EVPL: variants seen among roughly 807,000 people sequenced by gnomAD.
EVPL encodes 210 kDa cornified envelope precursor protein.
Under a neutral mutation model 129.7 loss-of-function variants are expected in EVPL, and 94 were observed. The ratio of observed to expected loss-of-function variants is 0.72; its 90% CI spans 0.61 to 0.86. EVPL has a LOEUF of 0.86. EVPL is among the 40% of genes least tolerant of loss of function. The pLI is 0.00. For synonymous variants in EVPL, 1,172 were observed against 1,191.1 expected (o/e 0.98, Z 0.33); for missense variants, 2,625 against 2,721.1 (o/e 0.96, Z 0.79).
Position 76,018,533 on chromosome 17 carries a change from T to TGGGA in EVPL, c.1351_1352insTCCC (p.Gln451LeufsTer24). ...ACGCTTGGTCTCCCCGCCAGGGCCC[T>TGGGA]GCACGACCCAGGCGTGCGGGTCAGT... is the stretch of plus-strand genomic sequence containing the variant. On this transcript the variant is annotated frameshift_variant, in exon 12 of 22. Coordinates refer to ENST00000301607, the MANE Select transcript of EVPL (RefSeq NM_001988.4). LOFTEE classifies it high-confidence loss of function. 6.2e-7 allele frequency: 1 copy of TGGGA among 1,612,780 alleles called. No homozygotes were observed. Among genetic ancestry groups the TGGGA allele is most frequent in the Non-Finnish European group, 8.5e-7 (1 of 1,179,886 alleles).
At chr17:76,016,951 G>A (rs1006103142) in intron 14 of EVPL, among the ~76,000 whole-genome samples, 4 of 150,926 alleles carry the variant, frequency 2.7e-5, no homozygotes, top group African/African-American at 9.8e-5. Context: ...GGTGGCTCAC[G>A]CCTGTAATCC....
chr17:76,015,152 G>T (rs766826226), intron 16 of EVPL, 43 bp from the exon 17 acceptor site: 1 of 1,560,184 alleles, frequency 6.4e-7, no homozygotes. Context: ...CGTGGCTGGG[G>T]AGACGCCGTG....
Position 76,008,502 on chromosome 17 carries a change from TCGGCCCGGTC to T in EVPL, c.4693_4702del (p.Asp1565ArgfsTer99). 1 of 1,603,310 alleles carries T rather than the reference TCGGCCCGGTC, an allele frequency of 6.2e-7. No individual in the cohort carries two copies. Among genetic ancestry groups the T allele is most frequent in the South Asian group, 1.1e-5 (1 of 90,652 alleles). On this transcript the variant is annotated frameshift_variant, in exon 22 of 22. Transcript: ENST00000301607. LOFTEE classifies it low-confidence loss of function (END_TRUNC). The surrounding 1 kb of genome is among the most constrained non-coding windows in gnomAD (Gnocchi z 7.4). ...CCGGGACCAGGTTCTCCCCAGCGTC[TCGGCCCGGTC>T]AATGCGCTCCCGCAGGCGCCGTGCC... is the stretch of plus-strand genomic sequence containing the variant.
In EVPL at chr17:76,027,205, A is replaced by G. The variant is rs1358790117; in HGVS notation, c.-7T>C. The G allele has an allele frequency of 6.3e-7, 1 of 1,599,290 alleles. No individual in the cohort carries two copies. The highest frequency in any genetic ancestry group is 1.1e-5 in the South Asian group (1 of 90,106). ...TGCTCAGCCCCTTGAACATGGTCGT[A>G]AAGGCAAGTGCTGGCTCAGGCTGGG... On this transcript the variant is annotated 5_prime_UTR_variant, in exon 1 of 22. Transcript: ENST00000301607.
In EVPL at chr17:76,007,611, G is replaced by A. The variant is rs760199880; in HGVS notation, c.5594C>T (p.Thr1865Ile). Reference protein sequence around the residue: ...GQKLLEAQAATGGIVDLLSRE... With the variant: ...GQKLLEAQAAIGGIVDLLSRE... ...GCTGAGCAGGTCCACGATGCCCCCT[G>A]TGGCCGCCTGGGCCTCCAGTAGCTT... The change falls in exon 22 of 22, where the codon ACA becomes ATA. Residue 1865 changes from threonine to isoleucine, a missense_variant. Physicochemically the swap from Thr to Ile is moderately conservative, Grantham distance 89. Transcript: ENST00000301607. This position sits in a 1 kb window ranked among gnomAD's most constrained non-coding sequence, Gnocchi z 8.8. 9.9e-6 allele frequency: 16 copies of A among 1,613,800 alleles called. No individual in the cohort carries two copies. The East Asian group carries it at 2.4e-4, about 25-fold the overall frequency.
Position 76,022,043 on chromosome 17 carries a change from C to T in EVPL, c.646-15G>A. 1 of 1,552,800 alleles carries T rather than the reference C, an allele frequency of 6.4e-7. No homozygotes were observed. The highest frequency in any genetic ancestry group is 8.7e-7 in the Non-Finnish European group (1 of 1,155,840). ...GACGCCGCCTTCTGTGCTCAGGACC[C>T]GCCGCCAGCAGCAGGGTGGGGAGAC... is the stretch of plus-strand genomic sequence containing the variant. On this transcript the variant is annotated splice_polypyrimidine_tract_variant and intron_variant, in intron 6 of 21. Coordinates refer to ENST00000301607, the MANE Select transcript of EVPL (RefSeq NM_001988.4). This position sits in a 1 kb window ranked among gnomAD's most constrained non-coding sequence, Gnocchi z 5.6.
intron 21 of EVPL, 78 bp from the exon 22 acceptor site, chr17:76,010,621 C>G: frequency 6.9e-7 from 1 of 1,446,216 alleles, no homozygotes; most frequent in Non-Finnish European, 9.1e-7. Context: ...GATGAAAGAC[C>G]CCTCCCTGTT....
At position 76,008,851 on chromosome 17, in the gene EVPL, G is replaced by A. The variant is rs774293924; in HGVS notation, c.4354C>T (p.Arg1452Trp). 10 of 1,613,766 alleles carry A rather than the reference G, an allele frequency of 6.2e-6. No individual in the cohort carries two copies. Among genetic ancestry groups the A allele is most frequent in the African/African-American group, 5.3e-5 (4 of 74,862 alleles). ...ATCTTCTCCTGCACCGTGGGAGGCC[G>A]CTTCTCGAGCTCCTGGATCCTCAAG... ...LTLRIQELEK[R>W]PPTVQEKIIM... is the part of the protein sequence containing the mutation. The change falls in exon 22 of 22, where the codon CGG becomes TGG. Residue 1452 changes from arginine (R) to tryptophan (W), a missense_variant. By Grantham distance (101) the Arg-to-Trp change is moderately radical. This residue lies in a region of EVPL where 1,453 missense variants were observed against 1,511.8 expected (regional missense o/e 0.96). Coordinates refer to ENST00000301607, the MANE Select transcript of EVPL (RefSeq NM_001988.4). This position sits in a 1 kb window ranked among gnomAD's most constrained non-coding sequence, Gnocchi z 7.4.
chr17:76,010,346 C>T lies in EVPL; in HGVS notation c.2859G>A (p.Arg953=). ...ACTCTACCACTTCCTTCTCCTCCAGCCTCTCCAAGGGCCGCTGGGTCCTCA... is the reference window on the plus strand; with the variant it reads ...ACTCTACCACTTCCTTCTCCTCCAGTCTCTCCAAGGGCCGCTGGGTCCTCA... The part of the protein sequence containing the change: ...LQLRTQRPLE[R]LEEKEVVEFY... The change falls in exon 22 of 22, where the codon AGG becomes AGA. Residue 953 remains arginine (R), a synonymous_variant. Transcript: ENST00000301607. The T allele has an allele frequency of 1.4e-5, 23 of 1,614,056 alleles. No homozygotes were observed. The highest frequency in any genetic ancestry group is 1.9e-5 in the Non-Finnish European group (22 of 1,180,044).
In EVPL at chr17:76,010,319, G is replaced by T; in HGVS notation, c.2886C>A (p.Phe962Leu). The T allele has an allele frequency of 6.2e-7, 1 of 1,613,878 alleles. No homozygotes were observed. The highest frequency in any genetic ancestry group is 8.5e-7 in the Non-Finnish European group (1 of 1,180,008). The stretch of plus-strand genomic sequence containing the variant: ...TGCCCTCCAGCTGGGGGTCCCGGTA[G>T]AACTCTACCACTTCCTTCTCCTCCA... Reference protein sequence around the residue: ...ERLEEKEVVEFYRDPQLEGSL... With the variant: ...ERLEEKEVVELYRDPQLEGSL... Residue 962 changes from phenylalanine to leucine, a missense_variant, in exon 22 of 22, where the codon TTC (phenylalanine) becomes TTA (leucine). By Grantham distance (22) the Phe-to-Leu change is conservative. This residue lies in a region of EVPL where 1,453 missense variants were observed against 1,511.8 expected (regional missense o/e 0.96). Coordinates refer to ENST00000301607, the MANE Select transcript of EVPL (RefSeq NM_001988.4).
chr17:76,010,543 T>C lies in EVPL; in HGVS notation c.2662A>G (p.Lys888Glu). The change falls in exon 22 of 22, where the codon AAG becomes GAG. Residue 888 changes from lysine (K) to glutamate (E), a missense_variant and splice_region_variant. Coordinates refer to ENST00000301607, the MANE Select transcript of EVPL (RefSeq NM_001988.4). ...LEFARKMLEK[K>E]ELSEDIRRTH... ...CTTCGGATGTCCTCACTGAGCTCCTTCTGCAGAGAGGAAGAAGGGTAGAGC... is the reference window on the plus strand; with the variant it reads ...CTTCGGATGTCCTCACTGAGCTCCTCCTGCAGAGAGGAAGAAGGGTAGAGC... 1 of 1,609,652 alleles carries C rather than the reference T, an allele frequency of 6.2e-7. No homozygotes were observed. Among genetic ancestry groups the C allele is most frequent in the Non-Finnish European group, 8.5e-7 (1 of 1,177,784 alleles).
Position 76,017,879 on chromosome 17 carries a change from C to T in EVPL, c.1570G>A (p.Ala524Thr). 1 of 1,614,090 alleles carries T rather than the reference C, an allele frequency of 6.2e-7. No individual in the cohort carries two copies. Among genetic ancestry groups the T allele is most frequent in the African/African-American group, 1.3e-5 (1 of 75,064 alleles). The change falls in exon 14 of 22, where the codon GCC becomes ACC. Residue 524 changes from alanine (A) to threonine (T), a missense_variant. Transcript: ENST00000301607. ...GTCATCTGTGTCAGGAGCTTCTGGG[C>T]CTGTGGGTTGGCCAGGTCTGAGCCA... is the stretch of plus-strand genomic sequence containing the variant. Reference protein sequence around the residue: ...PSGSDLANPQAQKLLTQMTRL... With the variant: ...PSGSDLANPQTQKLLTQMTRL...
chr17:76,019,629 T>C lies in EVPL; in HGVS notation c.1036A>G (p.Ser346Gly). Residue 346 changes from serine (S) to glycine (G), a missense_variant, in exon 10 of 22, where the codon AGC (serine) becomes GGC (glycine). Ser to Gly is a moderately conservative substitution (Grantham distance 56). Coordinates refer to ENST00000301607, the MANE Select transcript of EVPL (RefSeq NM_001988.4). ...GAGTTGAGCTTCGCCAGGGTCTGGC[T>C]GACTGAGTCGGCCTCTTCCTGGAAC... ...RRFQEEADSV[S>G]QTLAKLNSNL... 3 of 1,611,076 alleles carry C rather than the reference T, an allele frequency of 1.9e-6. No individual in the cohort carries two copies. The highest frequency in any genetic ancestry group is 2.5e-6 in the Non-Finnish European group (3 of 1,178,654).
intron 14 of EVPL, among the ~76,000 whole-genome samples, chr17:76,017,032 G>A (rs2066423022): frequency 6.6e-6 from 1 of 152,148 alleles, no homozygotes; most frequent in Admixed American, 6.6e-5. Context: ...GGCCAACATG[G>A]TGAAACCCCA....
chr17:76,021,413 C>T (rs1446290721), intron 9 of EVPL, 55 bp downstream of exon 9: 4 of 510,320 alleles, frequency 7.8e-6, no homozygotes, highest in Non-Finnish European at 1.3e-5. Flanking sequence ...GCTGTGCTCC[C>T]GCCCCTGCCG....
Position 76,018,618 on chromosome 17 carries a change from G to T in EVPL, c.1285-18C>A. 2 of 1,590,554 alleles carry T rather than the reference G, an allele frequency of 1.3e-6. No homozygotes were observed. The highest frequency in any genetic ancestry group is 1.7e-6 in the Non-Finnish European group (2 of 1,167,212). On this transcript the variant is annotated intron_variant, in intron 11 of 21. Coordinates refer to ENST00000301607, the MANE Select transcript of EVPL (RefSeq NM_001988.4). ...AGCTGCACCTGGGGGCACAGAAAGG[G>T]AGCAGCTCCTGAGGGCTCAGGGGCA... is the stretch of plus-strand genomic sequence containing the variant.
At position 76,023,329 on chromosome 17, in the gene EVPL, G is replaced by A. The variant is rs1197576645; in HGVS notation, c.443C>T (p.Pro148Leu). ...EKMVLPPDVG[P>L]RVDWARVLEQ... ...CAGCACGCGTGCCCAGTCGACCCTG[G>A]GTCCCACGTCGGGGGGCAGCACCAT... Residue 148 changes from proline (P) to leucine (L), a missense_variant, in exon 4 of 22, where the codon CCC becomes CTC. This residue lies in a region of EVPL where 1,024 missense variants were observed against 997.5 expected (regional missense o/e 1.03). Transcript: ENST00000301607. 1.2e-6 allele frequency: 2 copies of A among 1,613,860 alleles called. No homozygotes were observed. The highest frequency in any genetic ancestry group is 2.2e-5 in the East Asian group (1 of 44,860).
chr17:76,011,483 TA>T, intron 21 of EVPL, 92 bp downstream of exon 21: 1 of 1,126,928 alleles, frequency 8.9e-7, no homozygotes, highest in Non-Finnish European at 1.3e-6. Flanking sequence ...GGAAGGAGAC[TA>T]CCAGGGTGAC....
intron 1 of EVPL, among the ~76,000 whole-genome samples, chr17:76,026,027 G>T (rs1057111504): frequency 6.6e-6 from 1 of 151,076 alleles, no homozygotes; most frequent in Non-Finnish European, 1.5e-5. Context: ...CTGCAGCCTC[G>T]ACTTCCCGGG....
Sources: gnomAD v4.1 joint callset for allele counts (sites outside exome capture counted in the v4.1 genomes callset) on GRCh38, gnomAD v4.1.1 for gene constraint, gnomAD v4.1.1 regional missense constraint, Gnocchi (gnomAD v3.1) non-coding constraint, MANE v1.5 for transcripts, NCBI Gene and HGNC (gene_info 2026-07-23, HGNC 2026-07-21) for gene names.